CDK7: variants seen among roughly 807,000 people sequenced by gnomAD.
CDK7 encodes cyclin dependent kinase 7.
In CDK7, 25 loss-of-function variants were observed where a neutral mutation model predicts 49.1. The ratio of observed to expected loss-of-function variants is 0.51; its 90% CI spans 0.37 to 0.71. The LOEUF (loss-of-function observed/expected upper bound fraction) is 0.71, where lower values mean the gene tolerates loss of function less well. CDK7 is among the 30% of genes least tolerant of loss of function. CDK7 has a pLI of 0.00. For synonymous variants in CDK7, 107 were observed against 140.0 expected, an observed-to-expected ratio of 0.76 and a Z score of 1.67; for missense variants, 316 against 411.7, an observed-to-expected ratio of 0.77 and a Z score of 2.01.
chr5:69,238,604 G>A (rs1749162011), intron 2 of CDK7, among the ~76,000 whole-genome samples: 2 of 150,374 alleles, frequency 1.3e-5, no homozygotes, highest in South Asian at 4.2e-4. Flanking sequence ...CATACTTTAA[G>A]CTATATATGT....
intron 2 of CDK7, among the ~76,000 whole-genome samples, chr5:69,250,554 C>T (rs1750071110): frequency 6.6e-6 from 1 of 152,114 alleles, no homozygotes; most frequent in Non-Finnish European, 1.5e-5. Flanking sequence ...GCTGCCAGGC[C>T]TGGGACTCAT....
chr5:69,254,261 C>G (rs966902488), intron 3 of CDK7, among the ~76,000 whole-genome samples: 2 of 152,108 alleles, frequency 1.3e-5, no homozygotes, highest in South Asian at 4.2e-4. Context: ...TGGTGGCTCA[C>G]GCCTGTAATC....
chr5:69,268,649 G>A (rs1051488590), intron 8 of CDK7, among the ~76,000 whole-genome samples: 3 of 146,694 alleles, frequency 2.0e-5, no homozygotes, highest in African/African-American at 7.6e-5. Context: ...TCAGGAGATC[G>A]AGACCATTCT....
At position 69,276,677 on chromosome 5, in the gene CDK7, G is replaced by A; in HGVS notation, c.999G>A (p.Glu333=). ...PALAIKRKRT[E]ALEQGGLPKK... ...TGGCAATAAAAAGGAAAAGAACAGAGGCCTTAGAACAAGGTAAGATTCCCA... is the reference window on the plus strand; with the variant it reads ...TGGCAATAAAAAGGAAAAGAACAGAAGCCTTAGAACAAGGTAAGATTCCCA... The change falls in exon 11 of 12, where the codon GAG becomes GAA. Residue 333 remains glutamate (E), a synonymous_variant. Transcript: ENST00000256443. 2 of 1,614,000 alleles carry A rather than the reference G, an allele frequency of 1.2e-6. No homozygotes were observed. The highest frequency in any genetic ancestry group is 8.5e-7 in the Non-Finnish European group (1 of 1,179,922).
Position 69,262,303 on chromosome 5 carries a change from G to A in CDK7, c.626G>A (p.Arg209Lys). The A allele has an allele frequency of 1.9e-6, 3 of 1,614,014 alleles. No homozygotes were observed. The highest frequency in any genetic ancestry group is 2.5e-6 in the Non-Finnish European group (3 of 1,179,896). The change falls in exon 8 of 12, where the codon AGG becomes AAG. Residue 209 changes from arginine to lysine, a missense_variant and splice_region_variant. Arg to Lys is a conservative substitution (Grantham distance 26). Transcript: ENST00000256443. ...TGTATATTAGCAGAGTTACTTCTAA[G>A]GGTAAGTCTAAATTAATGTACGCAC... ...VGCILAELLL[R>K]VPFLPGDSDL...
intron 2 of CDK7, among the ~76,000 whole-genome samples, chr5:69,247,976 AC>A (rs1484527195): frequency 5.3e-5 from 8 of 152,206 alleles, no homozygotes; most frequent in African/African-American, 1.9e-4. Flanking sequence ...TAGTTTACAT[AC>A]CACAATTACA....
intron 8 of CDK7, among the ~76,000 whole-genome samples, chr5:69,264,358 C>CA (rs773631575): frequency 2.0e-5 from 3 of 152,120 alleles, no homozygotes; most frequent in Admixed American, 6.6e-5. Flanking sequence ...AAGTAAGCTG[C>CA]AAAACTCTTT....
intron 2 of CDK7, among the ~76,000 whole-genome samples, chr5:69,241,387 C>T (rs1322812987): frequency 7.8e-6 from 1 of 128,458 alleles, no homozygotes; most frequent in Non-Finnish European, 1.6e-5. Context: ...GTGGCGCAAT[C>T]TCGGTTTACT....
intron 2 of CDK7, among the ~76,000 whole-genome samples, chr5:69,250,181 T>C (rs1391433792): frequency 1.3e-5 from 2 of 152,238 alleles, no homozygotes; most frequent in Admixed American, 1.3e-4. Context: ...TATTATAGTC[T>C]TCACAGTCTG....
At chr5:69,236,979 T>C (rs1487675621) in intron 2 of CDK7, among the ~76,000 whole-genome samples, 2 of 133,160 alleles carry the variant, frequency 1.5e-5, no homozygotes, top group African/African-American at 2.7e-5. Context: ...TTTTTTTTTT[T>C]AACTTTTTTA....
At chr5:69,246,222 C>T (rs2932785) in intron 2 of CDK7, among the ~76,000 whole-genome samples, 42,457 of 151,806 alleles carry the variant, frequency 0.28, 6,520 homozygotes, top group East Asian at 0.4. Context: ...CTGCAATCTC[C>T]GCCTCCCAGG....
rs1295953026 is a variant in CDK7, at chr5:69,277,146, G to A, written c.*11G>A. ...AAACTAATTTTTTAAAGAGAACACT[G>A]GACAACATTTTACTACTGAGGGAAA... On this transcript the variant is annotated 3_prime_UTR_variant, in exon 12 of 12. Transcript: ENST00000256443. 3 of 1,588,116 alleles carry A rather than the reference G, an allele frequency of 1.9e-6. No individual in the cohort carries two copies. The highest frequency in any genetic ancestry group is 1.2e-5 in the South Asian group (1 of 84,790).
At chr5:69,269,967 C>T in intron 9 of CDK7, among the ~76,000 whole-genome samples, 1 of 149,546 alleles carries the variant, frequency 6.7e-6, no homozygotes, top group Middle Eastern at 3.4e-3. Flanking sequence ...TGCGATGGCT[C>T]ACGCCTGTAA....
chr5:69,270,273 A>G (rs1375981448), intron 9 of CDK7, among the ~76,000 whole-genome samples: 2 of 151,974 alleles, frequency 1.3e-5, no homozygotes, highest in East Asian at 1.9e-4. Flanking sequence ...TCGTGTCTAT[A>G]AAAAACAAAA....
chr5:69,240,665 G>T (rs1749303862), intron 2 of CDK7, among the ~76,000 whole-genome samples: 1 of 152,160 alleles, frequency 6.6e-6, no homozygotes, highest in East Asian at 1.9e-4. Flanking sequence ...GTCTCCCTCT[G>T]TCGCCAGGCT....
At chr5:69,272,017 C>T (rs1026490290) in intron 9 of CDK7, among the ~76,000 whole-genome samples, 18 of 151,812 alleles carry the variant, frequency 1.2e-4, no homozygotes, top group Non-Finnish European at 5.9e-5. Context: ...TCTCGAACTC[C>T]TGAGCTCAAG....
At chr5:69,252,014 CATA>C (rs1477183430) in intron 2 of CDK7, among the ~76,000 whole-genome samples, 1 of 151,902 alleles carries the variant, frequency 6.6e-6, no homozygotes, top group Non-Finnish European at 1.5e-5. Flanking sequence ...TGTCTAAGAG[CATA>C]TTATTGGGCT....
chr5:69,276,465 T>C (rs1477509452), intron 10 of CDK7, 78 bp from the exon 11 acceptor site: 3 of 1,309,744 alleles, frequency 2.3e-6, no homozygotes, highest in Non-Finnish European at 3.3e-6. Flanking sequence ...ATGCTCCCTA[T>C]AATCTTGAAG....
At position 69,269,254 on chromosome 5, in the gene CDK7, A is replaced by T; in HGVS notation, c.675A>T (p.Ile225=). The change falls in exon 9 of 12, where the codon ATA becomes ATT. Residue 225 remains isoleucine, a synonymous_variant. Coordinates refer to ENST00000256443, the MANE Select transcript of CDK7 (RefSeq NM_001799.4). ...CAGACCTTGATCAGCTAACAAGAATATTTGAAACTTTGGGCACACCAACTG... is the reference window on the plus strand; with the variant it reads ...CAGACCTTGATCAGCTAACAAGAATTTTTGAAACTTTGGGCACACCAACTG... The part of the protein sequence containing the change: ...GDSDLDQLTR[I]FETLGTPTEE... 1 of 1,612,088 alleles carries T rather than the reference A, an allele frequency of 6.2e-7. No individual in the cohort carries two copies. The highest frequency in any genetic ancestry group is 1.1e-5 in the South Asian group (1 of 90,522).
Sources: gnomAD v4.1 joint callset for allele counts (sites outside exome capture counted in the v4.1 genomes callset) on GRCh38, gnomAD v4.1.1 for gene constraint, MANE v1.5 for transcripts, NCBI Gene and HGNC (gene_info 2026-07-23, HGNC 2026-07-21) for gene names.